The following NEGR1 variants were observed in gnomAD, a reference collection of about 807,000 sequenced individuals.
NEGR1 encodes the protein IgLON family member 4.
A neutral mutation model predicts 40.9 loss-of-function variants in NEGR1; 10 were observed. That is an observed-to-expected ratio of 0.24 (90% CI 0.15 to 0.42). The LOEUF (loss-of-function observed/expected upper bound fraction) is 0.42, where lower values mean the gene tolerates loss of function less well. Ranked by LOEUF, NEGR1 falls within the 10% of genes least tolerant of loss-of-function variation. The probability of loss-of-function intolerance (pLI) is 1.00; values close to 1 mark genes in which losing one functional copy is unlikely to be tolerated. For synonymous variants in NEGR1, 185 were observed against 166.8 expected (o/e 1.11, Z -0.84); for missense variants, 352 against 438.9 (o/e 0.80, Z 1.77).
intron 1 of NEGR1, among the ~76,000 whole-genome samples, chr1:72,130,301 C>G (rs971723021): frequency 6.6e-6 from 1 of 152,010 alleles, no homozygotes; most frequent in Non-Finnish European, 1.5e-5. Context: ...GTTTTTTGCC[C>G]GAAACACTGA....
intron 1 of NEGR1, among the ~76,000 whole-genome samples, chr1:72,152,927 A>G (rs75980550): frequency 9.2e-5 from 14 of 152,076 alleles, no homozygotes; most frequent in African/African-American, 3.4e-4. Flanking sequence ...TGTGAGCTAA[A>G]CATCAGGCAC....
At chr1:71,668,221 C>T (rs2101596876) in intron 4 of NEGR1, among the ~76,000 whole-genome samples, 1 of 152,286 alleles carries the variant, frequency 6.6e-6, no homozygotes, top group Non-Finnish European at 1.5e-5. Flanking sequence ...GGTAAATTGT[C>T]CATTACCCTT....
At position 71,968,601 on chromosome 1, in the gene NEGR1, G is replaced by C. The variant is rs144869505; in HGVS notation, c.177-33290C>G. Among the ~76,000 whole-genome samples, 405 of 152,272 alleles carry C rather than the reference G, an allele frequency of 2.7e-3. 1 individual carries two copies. Among genetic ancestry groups the C allele is most frequent in the African/African-American group, 9.4e-3 (389 of 41,562 alleles). ...GCTTAACAATGCTATGAGGAAGAGA[G>C]ATTTAACATATTTTGTATAGAAAAG... On this transcript the variant is annotated intron_variant, in intron 1 of 6. Coordinates refer to ENST00000357731, the MANE Select transcript of NEGR1 (RefSeq NM_173808.3).
intron 6 of NEGR1, among the ~76,000 whole-genome samples, chr1:71,417,648 C>T (rs372358483): frequency 5.3e-5 from 8 of 152,196 alleles, no homozygotes; most frequent in African/African-American, 1.7e-4. Flanking sequence ...ATCAAGCATA[C>T]GAGGTATTAG....
chr1:71,710,923 G>A (rs1226459728), intron 3 of NEGR1, among the ~76,000 whole-genome samples: 2 of 152,070 alleles, frequency 1.3e-5, no homozygotes, highest in African/African-American at 4.8e-5. Flanking sequence ...AGTGCTTGAA[G>A]GGATGGATAC....
At chr1:71,660,754 G>A (rs4650114) in intron 4 of NEGR1, among the ~76,000 whole-genome samples, 66,462 of 151,892 alleles carry the variant, frequency 0.44, 15,481 homozygotes, top group East Asian at 0.63. Context: ...ACAACCTGCA[G>A]GTTTGTTACA....
chr1:71,625,756 C>CCA (rs1402053401), intron 4 of NEGR1, among the ~76,000 whole-genome samples: 1 of 151,774 alleles, frequency 6.6e-6, no homozygotes, highest in African/African-American at 2.4e-5. Context: ...AGGCCATGGA[C>CCA]CACTGCTGGA....
intron 2 of NEGR1, among the ~76,000 whole-genome samples, chr1:71,899,331 T>C (rs1570478417): frequency 6.6e-6 from 1 of 151,600 alleles, no homozygotes; most frequent in African/African-American, 2.4e-5. Flanking sequence ...GGAGGAAGGG[T>C]ATGGAGGATG....
At chr1:71,922,888 T>A (rs1255681894) in intron 2 of NEGR1, among the ~76,000 whole-genome samples, 1 of 152,194 alleles carries the variant, frequency 6.6e-6, no homozygotes, top group Non-Finnish European at 1.5e-5. Flanking sequence ...ACCAAGTTCA[T>A]ATGCTTTATA....
chr1:71,845,711 A>G (rs1439572279), intron 2 of NEGR1, among the ~76,000 whole-genome samples: 3 of 138,766 alleles, frequency 2.2e-5, no homozygotes, highest in Non-Finnish European at 4.7e-5. Context: ...AGGACAATAG[A>G]GCCAGATCTA....
intron 3 of NEGR1, among the ~76,000 whole-genome samples, chr1:71,719,332 A>G (rs1019937738): frequency 6.6e-6 from 1 of 152,222 alleles, no homozygotes; most frequent in Non-Finnish European, 1.5e-5. Context: ...AGAATAAAAG[A>G]TAATTAAATG....
chr1:72,238,482 C>T (rs1260145740), intron 1 of NEGR1, among the ~76,000 whole-genome samples: 1 of 151,760 alleles, frequency 6.6e-6, no homozygotes, highest in Non-Finnish European at 1.5e-5. Flanking sequence ...GACACAGTCC[C>T]TACAAGGCCA....
rs374667235 is a variant in NEGR1, at chr1:72,173,073, C to G, written c.176+109246G>C. ...CCAGGCTGGAGTGTAGTGGCATGGTCTTGGCTCACTGCAGCCTGGACCTCC... is the reference window on the plus strand; with the variant it reads ...CCAGGCTGGAGTGTAGTGGCATGGTGTTGGCTCACTGCAGCCTGGACCTCC... On this transcript the variant is annotated intron_variant, in intron 1 of 6. Coordinates refer to ENST00000357731, the MANE Select transcript of NEGR1 (RefSeq NM_173808.3). Among the ~76,000 whole-genome samples, 11 of 151,898 alleles carry G rather than the reference C, an allele frequency of 7.2e-5. No homozygotes were observed. The East Asian group carries it at 1.2e-3, about 16-fold the overall frequency.
At chr1:72,065,062 A>T (rs1162015937) in intron 1 of NEGR1, among the ~76,000 whole-genome samples, 2 of 152,086 alleles carry the variant, frequency 1.3e-5, no homozygotes, top group Non-Finnish European at 2.9e-5. Context: ...TCTTATTTTG[A>T]TATGTAAGGG....
intron 1 of NEGR1, among the ~76,000 whole-genome samples, chr1:72,095,970 A>G (rs576265770): frequency 6.6e-6 from 1 of 152,060 alleles, no homozygotes; most frequent in East Asian, 1.9e-4. Context: ...TGGATTAAAT[A>G]TTTCCTTTTT....
intron 4 of NEGR1, among the ~76,000 whole-genome samples, chr1:71,688,321 T>TAG (rs1441206389): frequency 9.1e-6 from 1 of 110,234 alleles, no homozygotes; most frequent in Non-Finnish European, 1.8e-5. Context: ...TATATATATA[T>TAG]ATATATAGAT....
intron 1 of NEGR1, among the ~76,000 whole-genome samples, chr1:72,201,746 T>C (rs912450734): frequency 1.8e-4 from 27 of 151,932 alleles, no homozygotes; most frequent in African/African-American, 5.6e-4. Context: ...TCCTATTTCA[T>C]GTCTAAAAGT....
chr1:71,529,398 G>A (rs1647291710), intron 6 of NEGR1, among the ~76,000 whole-genome samples: 1 of 151,150 alleles, frequency 6.6e-6, no homozygotes, highest in African/African-American at 2.4e-5. Context: ...AGATTGGGAA[G>A]TTCAGTCTTG....
intron 6 of NEGR1, among the ~76,000 whole-genome samples, chr1:71,429,372 C>T (rs1342671856): frequency 6.6e-6 from 1 of 152,166 alleles, no homozygotes; most frequent in Non-Finnish European, 1.5e-5. Flanking sequence ...TAAGTGAAGT[C>T]TAAATTACAT....
Sources: allele counts gnomAD v4.1 joint callset (sites outside exome capture counted in the v4.1 genomes callset), GRCh38; gene constraint gnomAD v4.1.1; transcripts MANE v1.5; gene names NCBI Gene and HGNC (gene_info 2026-07-23, HGNC 2026-07-21).